Variants in ZDHHC8 observed in about 807,000 individuals in gnomAD.
ZDHHC8 encodes the protein zDHHC palmitoyltransferase 8, also known as palmitoyltransferase ZDHHC8.
In ZDHHC8, 24 loss-of-function variants were observed where a neutral mutation model predicts 61.2. The ratio of observed to expected loss-of-function variants is 0.39; its 90% CI spans 0.28 to 0.55. The LOEUF (loss-of-function observed/expected upper bound fraction) is 0.55, where lower values mean the gene tolerates loss of function less well. Ranked by LOEUF, ZDHHC8 falls within the 20% of genes least tolerant of loss-of-function variation. ZDHHC8 has a pLI of 0.60. For synonymous variants in ZDHHC8, 523 were observed against 492.5 expected (o/e 1.06, Z -0.82); for missense variants, 935 against 1,102.1 (o/e 0.85, Z 2.15).
Position 20,147,075 on chromosome 22 carries a change from G to T in ZDHHC8, c.*1675G>T, listed in dbSNP as rs2050533612. Reference sequence around the variant, plus strand: ...GGGGGCGGCGTGGCCAGCCTTGGGTGCCTCCTGGGCTGCACCTGTGCCACC... The same window carrying T: ...GGGGGCGGCGTGGCCAGCCTTGGGTTCCTCCTGGGCTGCACCTGTGCCACC... On this transcript the variant is annotated 3_prime_UTR_variant, in exon 11 of 11. Transcript: ENST00000334554. 2.7e-6 allele frequency: 4 copies of T among 1,502,952 alleles called. No individual in the cohort carries two copies. The highest frequency in any genetic ancestry group is 3.6e-6 in the Non-Finnish European group (4 of 1,125,872). The allele number at this position is 1,502,952 out of a possible 1,614,324, so 93.1% of individuals were successfully genotyped here. A position where few individuals can be genotyped will look rare whatever the true frequency, so the allele number is the denominator to read the frequency against.
chr22:20,145,511 G>A lies in ZDHHC8; in HGVS notation c.*111G>A. On this transcript the variant is annotated 3_prime_UTR_variant, in exon 11 of 11. Transcript: ENST00000334554. Reference sequence around the variant, plus strand: ...AGGGACCCGAGGCCACCCCAGCCTGGTGTGGACCCATCGGCGGGAGAGAGT... The same window carrying A: ...AGGGACCCGAGGCCACCCCAGCCTGATGTGGACCCATCGGCGGGAGAGAGT... 2.2e-6 allele frequency: 3 copies of A among 1,336,198 alleles called. No homozygotes were observed. Among genetic ancestry groups the A allele is most frequent in the Non-Finnish European group, 2.9e-6 (3 of 1,044,830 alleles). 82.8% of individuals were successfully genotyped at this position (1,336,198 alleles called of 1,614,324 possible). A position where few individuals can be genotyped will look rare whatever the true frequency, so the allele number is the denominator to read the frequency against.
chr22:20,146,442 A>G lies in ZDHHC8; in HGVS notation c.*1042A>G. The G allele has an allele frequency of 2.0e-6, 2 of 985,450 alleles. No homozygotes were observed. Among genetic ancestry groups the G allele is most frequent in the Non-Finnish European group, 2.4e-6 (2 of 829,800 alleles). 61.0% of individuals were successfully genotyped at this position (985,450 alleles called of 1,614,324 possible). On this transcript the variant is annotated 3_prime_UTR_variant, in exon 11 of 11. Transcript: ENST00000334554. ...ATATATCTATAATTTTATTAAAAAA[A>G]AGAAAAAGAGTTATTTTGATTCTTT...
At chr22:20,139,941 G>A in intron 4 of ZDHHC8, 49 bp downstream of exon 4, 2 of 1,601,052 alleles carry the variant, frequency 1.2e-6, no homozygotes, top group Non-Finnish European at 8.5e-7. Context: ...GTGGACCGGG[G>A]ACACGTTCAC....
At position 20,139,866 on chromosome 22, in the gene ZDHHC8, G is replaced by T. The variant is rs768779372; in HGVS notation, c.531G>T (p.Gly177=). 1 of 1,612,424 alleles carries T rather than the reference G, an allele frequency of 6.2e-7. No individual in the cohort carries two copies. Among genetic ancestry groups the T allele is most frequent in the Non-Finnish European group, 8.5e-7 (1 of 1,179,978 alleles). The change falls in exon 4 of 11, where the codon GGG becomes GGT. Residue 177 remains glycine (G), a synonymous_variant. Coordinates refer to ENST00000334554, the MANE Select transcript of ZDHHC8 (RefSeq NM_013373.4). ...TCTACGTGCTGAACCACGCTGAGGG[G>T]CTGGGAGCCGCGCACACCACCATCA... The part of the protein sequence containing the change: ...GLVYVLNHAE[G]LGAAHTTITM...
Position 20,146,639 on chromosome 22 carries a change from T to G in ZDHHC8, c.*1239T>G. On this transcript the variant is annotated 3_prime_UTR_variant, in exon 11 of 11. Transcript: ENST00000334554. The stretch of plus-strand genomic sequence containing the variant: ...AGGCTTGGGAAGAGGGGGCGGCCGA[T>G]GGTCTGTGGCTGGGAAGTGTGAGGG... 4.0e-6 allele frequency: 4 copies of G among 1,008,494 alleles called. No homozygotes were observed. The highest frequency in any genetic ancestry group is 4.7e-6 in the Non-Finnish European group (4 of 845,694). The allele number at this position is 1,008,494 out of a possible 1,614,324, so 62.5% of individuals were successfully genotyped here.
Position 20,146,563 on chromosome 22 carries a change from A to AG in ZDHHC8, c.*1167dup, listed in dbSNP as rs760098061. 208 of 991,838 alleles carry AG rather than the reference A, an allele frequency of 2.1e-4. 1 individual carries two copies. Among genetic ancestry groups the AG allele is most frequent in the East Asian group, 3.3e-4 (3 of 9,102 alleles). 61.4% of individuals were successfully genotyped at this position (991,838 alleles called of 1,614,324 possible). A position where few individuals can be genotyped will look rare whatever the true frequency, so the allele number is the denominator to read the frequency against. The stretch of plus-strand genomic sequence containing the variant: ...AGGGAGTGGCTGCTGTCTGGTGTGC[A>AG]GGGGTCGGTGGGTTCCTCAGGGGCA... On this transcript the variant is annotated 3_prime_UTR_variant, in exon 11 of 11. Coordinates refer to ENST00000334554, the MANE Select transcript of ZDHHC8 (RefSeq NM_013373.4).
Position 20,145,164 on chromosome 22 carries a change from C to T in ZDHHC8, c.2127-65C>T, listed in dbSNP as rs60438632. 1,409 of 1,344,092 alleles carry T rather than the reference C, an allele frequency of 1.0e-3. 19 individuals are homozygous for T. The African/African-American group carries it at 0.019, about 18-fold the overall frequency. 83.3% of individuals were successfully genotyped at this position (1,344,092 alleles called of 1,614,324 possible). A position where few individuals can be genotyped will look rare whatever the true frequency, so the allele number is the denominator to read the frequency against. On this transcript the variant is annotated intron_variant, in intron 10 of 10. Transcript: ENST00000334554. ...GTCGTCTCTGTCTTGCTGCCTCCTCCGTCCTCTGTCCCCGTGTTCGTGTGT... is the reference window on the plus strand; with the variant it reads ...GTCGTCTCTGTCTTGCTGCCTCCTCTGTCCTCTGTCCCCGTGTTCGTGTGT...
rs547451210 is a variant in ZDHHC8 at position 20,141,097 on chromosome 22, G to A, written c.894+85G>A. ...GGTTGGTGGGGGCCTAGAAGAGGTG[G>A]ATGGGGCAGACAGAGCCGTAGACAG... On this transcript the variant is annotated intron_variant, in intron 7 of 10. Transcript: ENST00000334554. 6.3e-6 allele frequency: 10 copies of A among 1,596,120 alleles called. No individual in the cohort carries two copies. The South Asian group carries it at 8.9e-5, about 14-fold the overall frequency.
rs528295123 is a variant in ZDHHC8 at position 20,132,232 on chromosome 22, G to A, written c.104+181G>A. ...GGGGCTGGGGGAGTTGAAGCGGTGT[G>A]CCGGCGTCCCGGGCACCGGGGTGAG... On this transcript the variant is annotated intron_variant, in intron 1 of 10. Coordinates refer to ENST00000334554, the MANE Select transcript of ZDHHC8 (RefSeq NM_013373.4). 5.9e-5 allele frequency among the ~76,000 whole-genome samples: 9 copies of A among 152,290 alleles called. No individual in the cohort carries two copies. In the South Asian group the frequency reaches 1.9e-3, roughly 32 times the overall value.
chr22:20,132,700 T>G (rs909988969), intron 1 of ZDHHC8, among the ~76,000 whole-genome samples: 1 of 152,216 alleles, frequency 6.6e-6, no homozygotes, highest in Non-Finnish European at 1.5e-5. Context: ...CCAGGACCCT[T>G]GAGGTCCTGT....
At chr22:20,133,436 A>G (rs927319917) in intron 1 of ZDHHC8, among the ~76,000 whole-genome samples, 9 of 152,192 alleles carry the variant, frequency 5.9e-5, no homozygotes, top group African/African-American at 2.2e-4. Context: ...TGACTTTAAA[A>G]GTAATGTGTG....
chr22:20,139,352 A>C, intron 2 of ZDHHC8, 37 bp downstream of exon 2: 6 of 1,608,380 alleles, frequency 3.7e-6, no homozygotes, highest in Non-Finnish European at 5.1e-6. Flanking sequence ...TCTCACTTTC[A>C]CTAGAGTGTG....
chr22:20,143,966 G>GGTATGA (rs1444870582), intron 10 of ZDHHC8, among the ~76,000 whole-genome samples: 1 of 152,206 alleles, frequency 6.6e-6, no homozygotes, highest in African/African-American at 2.4e-5. Context: ...CACGCTCTGG[G>GGTATGA]GACAGGGTAT....
In ZDHHC8 at chr22:20,147,139, T is replaced by C; in HGVS notation, c.*1739T>C. ...GGACCGCCCACCACTGCGGGCCCCC[T>C]GGAGCCAGGCCGCCGGGGCACCCCC... On this transcript the variant is annotated 3_prime_UTR_variant, in exon 11 of 11. Transcript: ENST00000334554. 1 of 1,534,026 alleles carries C rather than the reference T, an allele frequency of 6.5e-7. No individual in the cohort carries two copies. The highest frequency in any genetic ancestry group is 8.8e-7 in the Non-Finnish European group (1 of 1,140,524).
chr22:20,138,756 C>T (rs918556706), intron 1 of ZDHHC8, among the ~76,000 whole-genome samples: 12 of 152,184 alleles, frequency 7.9e-5, no homozygotes, highest in South Asian at 4.1e-4. Flanking sequence ...GGGCTCCCCA[C>T]ACCCCAGAAT....
rs2050540006 is a variant in ZDHHC8 at position 20,147,537 on chromosome 22, CCT to C, written c.*2139_*2140del. On this transcript the variant is annotated 3_prime_UTR_variant, in exon 11 of 11. Coordinates refer to ENST00000334554, the MANE Select transcript of ZDHHC8 (RefSeq NM_013373.4). Reference sequence around the variant, plus strand: ...AGCACTTTAGACTAAGCCACTTCCTCCTCGGGGAGCCCAGGCCTCCGTGGGTT... The same window carrying C: ...AGCACTTTAGACTAAGCCACTTCCTCCGGGGAGCCCAGGCCTCCGTGGGTT... 1 of 236,128 alleles carries C rather than the reference CCT, an allele frequency of 4.2e-6. No individual in the cohort carries two copies. The highest frequency in any genetic ancestry group is 7.8e-5 in the East Asian group (1 of 12,772). 14.6% of individuals were successfully genotyped at this position (236,128 alleles called of 1,614,324 possible). A position where few individuals can be genotyped will look rare whatever the true frequency, so the allele number is the denominator to read the frequency against.
Position 20,132,499 on chromosome 22 carries a change from A to G in ZDHHC8, c.104+448A>G, listed in dbSNP as rs566535318. ...GGCTGCCCGCCCCGGGCCAGAGTCA[A>G]GTTGTTCCCACGTAGGTGTGGCCTG... On this transcript the variant is annotated intron_variant, in intron 1 of 10. Transcript: ENST00000334554. Among the ~76,000 whole-genome samples the G allele has an allele frequency of 5.9e-4, 90 of 152,350 alleles. 1 individual carries two copies. In the East Asian group the frequency reaches 0.017, roughly 28 times the overall value.
At position 20,139,146 on chromosome 22, in the gene ZDHHC8, C is replaced by T. The variant is rs113534362; in HGVS notation, c.105-48C>T. 233 of 1,589,186 alleles carry T rather than the reference C, an allele frequency of 1.5e-4. 1 individual carries two copies. The highest frequency in any genetic ancestry group is 4.4e-4 in the Admixed American group (25 of 57,162). ...CACCACATAGCTCTGCGCCTGCATC[C>T]GCTCTGCACCCCCAGACTCCACTCT... On this transcript the variant is annotated intron_variant, in intron 1 of 10. Transcript: ENST00000334554.
rs1381605466 is a variant in ZDHHC8 at position 20,143,061 on chromosome 22, G to C, written c.1431G>C (p.Leu477=). The C allele has an allele frequency of 6.2e-7, 1 of 1,612,478 alleles. No individual in the cohort carries two copies. The highest frequency in any genetic ancestry group is 1.7e-5 in the Admixed American group (1 of 60,012). Reference sequence around the variant, plus strand: ...CACTGCCCAACCGCAACGGCAGCCTGTCCTATGACAGCCTGCTCAATCCTG... The same window carrying C: ...CACTGCCCAACCGCAACGGCAGCCTCTCCTATGACAGCCTGCTCAATCCTG... The part of the protein sequence containing the change: ...PHALPNRNGS[L]SYDSLLNPGS... The change falls in exon 10 of 11, where the codon CTG becomes CTC. Residue 477 remains leucine, a synonymous_variant. Transcript: ENST00000334554.
Sources: allele counts gnomAD v4.1 joint callset (sites outside exome capture counted in the v4.1 genomes callset), GRCh38; gene constraint gnomAD v4.1.1; transcripts MANE v1.5; gene names NCBI Gene and HGNC (gene_info 2026-07-23, HGNC 2026-07-21).